The following CCDC110 variants were observed in gnomAD, a reference collection of about 807,000 sequenced individuals.
CCDC110 encodes coiled-coil domain-containing protein 110.
In CCDC110, 70 loss-of-function variants were observed where a neutral mutation model predicts 77.1. The ratio of observed to expected loss-of-function variants is 0.91; its 90% confidence interval spans 0.75 to 1.11. The LOEUF is 1.11. Among genes scored for constraint, CCDC110 ranks in the 50% least tolerant of loss-of-function variants. The pLI is 0.00. For synonymous variants in CCDC110, 295 were observed against 312.5 expected (o/e 0.94, Z 0.59); for missense variants, 868 against 942.9 (o/e 0.92, Z 1.04).
Position 185,459,928 on chromosome 4 carries a change from A to C in CCDC110, c.659T>G (p.Leu220Arg), listed in dbSNP as rs759699138. 2.5e-6 allele frequency: 4 copies of C among 1,613,818 alleles called. No homozygotes were observed. The highest frequency in any genetic ancestry group is 3.4e-6 in the Non-Finnish European group (4 of 1,179,920). ...AGGCACAGTAATTTTGGATTTATCCAGAATTACTGTATCAGCTTGAGACAT... is the reference window on the plus strand; with the variant it reads ...AGGCACAGTAATTTTGGATTTATCCCGAATTACTGTATCAGCTTGAGACAT... Reference protein sequence around the residue: ...NVMSQADTVILDKSKITVPFL... With the variant: ...NVMSQADTVIRDKSKITVPFL... Residue 220 changes from leucine to arginine, a missense_variant, in exon 6 of 7, where the codon CTG becomes CGG. Transcript: ENST00000307588.
chr4:185,470,430 A>T, intron 2 of CCDC110: 1 of 343,758 alleles, frequency 2.9e-6, no homozygotes, highest in East Asian at 7.5e-5. Context: ...ATTTGCATTT[A>T]AAAATTGTGG....
In CCDC110 at chr4:185,445,235, C is replaced by A; in HGVS notation, c.*267G>T. 1 of 1,028,788 alleles carries A rather than the reference C, an allele frequency of 9.7e-7. No homozygotes were observed. The highest frequency in any genetic ancestry group is 1.4e-6 in the Non-Finnish European group (1 of 716,786). The allele number at this position is 1,028,788 out of a possible 1,614,324, so 63.7% of individuals were successfully genotyped here. A position where few individuals can be genotyped will look rare whatever the true frequency, so the allele number is the denominator to read the frequency against. Reference sequence around the variant, plus strand: ...TATTTATATATACTTTTTTAAATGACAAATGTGGGTGACTTTAGACATCTC... The same window carrying A: ...TATTTATATATACTTTTTTAAATGAAAAATGTGGGTGACTTTAGACATCTC... On this transcript the variant is annotated 3_prime_UTR_variant, in exon 7 of 7. Transcript: ENST00000307588.
At chr4:185,457,821 GAAAA>G (rs751055245) in intron 6 of CCDC110, 1 of 1,185,578 alleles carries the variant, frequency 8.4e-7, no homozygotes, top group African/African-American at 1.6e-5. Context: ...AATTCCTAGG[GAAAA>G]AAAAAAGAAT....
chr4:185,449,769 A>G, intron 6 of CCDC110: 1 of 551,286 alleles, frequency 1.8e-6, no homozygotes, highest in Non-Finnish European at 3.2e-6. Context: ...AAATTCTGCA[A>G]CTCTAATTCT....
At position 185,462,977 on chromosome 4, in the gene CCDC110, A is replaced by G. The variant is rs765375568; in HGVS notation, c.171+17T>C. The G allele has an allele frequency of 6.2e-7, 1 of 1,602,570 alleles. No homozygotes were observed. Among genetic ancestry groups the G allele is most frequent in the Non-Finnish European group, 8.5e-7 (1 of 1,169,784 alleles). ...TACCCAGAATTTTGGAGATGATAAA[A>G]TGGAATATAGACTCACTTTCAATGC... On this transcript the variant is annotated intron_variant, in intron 3 of 6. Coordinates refer to ENST00000307588, the MANE Select transcript of CCDC110 (RefSeq NM_152775.4).
At chr4:185,452,342 ACTGT>A in intron 6 of CCDC110, 1 of 985,442 alleles carries the variant, frequency 1.0e-6, no homozygotes, top group Non-Finnish European at 1.2e-6. Flanking sequence ...TCTGCTACAA[ACTGT>A]CTGCTTACAT....
chr4:185,457,806 CT>C, intron 6 of CCDC110: 1 of 1,419,274 alleles, frequency 7.0e-7, no homozygotes, highest in Non-Finnish European at 9.3e-7. Context: ...ATACAGTTTA[CT>C]TGGAATTCCT....
chr4:185,459,112 G>A lies in CCDC110; in HGVS notation c.1475C>T (p.Ser492Phe), dbSNP rs2095641181. 7 of 1,592,112 alleles carry A rather than the reference G, an allele frequency of 4.4e-6. No homozygotes were observed. In the East Asian group the frequency reaches 1.6e-4, roughly 36 times the overall value. The change falls in exon 6 of 7, where the codon TCT (serine) becomes TTT (phenylalanine). Residue 492 changes from serine (S) to phenylalanine (F), a missense_variant. Physicochemically the swap from Ser to Phe is radical, Grantham distance 155 (BLOSUM62 -2). Coordinates refer to ENST00000307588, the MANE Select transcript of CCDC110 (RefSeq NM_152775.4). ...GTATTCTTCTGTTTTACTTAACTTA[G>A]ACTGAATAGTACTCTTTTCTTCAAC... ...NLVEEKSTIQSKLSKTEEYSK... is the reference protein window; with the variant it reads ...NLVEEKSTIQFKLSKTEEYSK...
chr4:185,466,165 G>A (rs1325794762), intron 2 of CCDC110, among the ~76,000 whole-genome samples: 1 of 152,158 alleles, frequency 6.6e-6, no homozygotes, highest in Non-Finnish European at 1.5e-5. Flanking sequence ...CACGAGGTCA[G>A]GAGATCGAGA....
At chr4:185,447,330 C>T (rs184388564) in intron 6 of CCDC110, among the ~76,000 whole-genome samples, 47 of 152,012 alleles carry the variant, frequency 3.1e-4, no homozygotes, top group African/African-American at 8.4e-4. Flanking sequence ...TACAGGCGCC[C>T]GCCACCACGC....
chr4:185,454,555 A>T (rs2095633547), intron 6 of CCDC110, among the ~76,000 whole-genome samples: 1 of 151,816 alleles, frequency 6.6e-6, no homozygotes, highest in South Asian at 2.1e-4. Context: ...CTCTACTAAA[A>T]ATACAGAAAT....
intron 2 of CCDC110, 25 bp downstream of exon 2, chr4:185,470,920 G>A (rs2095664954): frequency 6.7e-6 from 10 of 1,500,942 alleles, no homozygotes; most frequent in Admixed American, 1.7e-5. Flanking sequence ...AGTTAAAGGA[G>A]CCTTTTACGG....
chr4:185,449,866 G>A (rs778259265), intron 6 of CCDC110: 1 of 387,206 alleles, frequency 2.6e-6, no homozygotes, highest in African/African-American at 2.1e-5. Context: ...CTATGCTTCT[G>A]AGCAGAATAT....
chr4:185,462,100 A>G (rs764655092), intron 4 of CCDC110, among the ~76,000 whole-genome samples: 1 of 152,180 alleles, frequency 6.6e-6, no homozygotes, highest in African/African-American at 2.4e-5. Context: ...CTCCTTCTCA[A>G]AGCAAAGTGT....
Position 185,465,233 on chromosome 4 carries a change from G to T in CCDC110, c.116-2184C>A, listed in dbSNP as rs569097784. Reference sequence around the variant, plus strand: ...ATTCTATCTCCTTCCCATACCTACAGGAATAGCTTCCTTTTTCTGTACAGA... The same window carrying T: ...ATTCTATCTCCTTCCCATACCTACATGAATAGCTTCCTTTTTCTGTACAGA... On this transcript the variant is annotated intron_variant, in intron 2 of 6. Transcript: ENST00000307588. Among the ~76,000 whole-genome samples, 4 of 152,266 alleles carry T rather than the reference G, an allele frequency of 2.6e-5. No homozygotes were observed. The South Asian group carries it at 8.3e-4, about 32-fold the overall frequency.
intron 1 of CCDC110, among the ~76,000 whole-genome samples, chr4:185,471,255 T>C (rs868357173): frequency 0.33 from 10,712 of 32,896 alleles, 707 homozygotes; most frequent in African/African-American, 0.45. Context: ...GGGGGCGGGT[T>C]TGAAGGCTGG....
At chr4:185,467,304 C>A (rs2095658035) in intron 2 of CCDC110, among the ~76,000 whole-genome samples, 1 of 152,172 alleles carries the variant, frequency 6.6e-6, no homozygotes, top group African/African-American at 2.4e-5. Flanking sequence ...ACATAACTTT[C>A]TGTTTTTCTT....
In CCDC110 at chr4:185,458,245, T is replaced by C. The variant is rs2095639151; in HGVS notation, c.2342A>G (p.Gln781Arg). 1 of 1,602,498 alleles carries C rather than the reference T, an allele frequency of 6.2e-7. No homozygotes were observed. Among genetic ancestry groups the C allele is most frequent in the Non-Finnish European group, 8.5e-7 (1 of 1,177,230 alleles). Residue 781 changes from glutamine (Q) to arginine (R), a missense_variant, in exon 6 of 7, where the codon CAG becomes CGG. Transcript: ENST00000307588. The part of the protein sequence containing the change: ...YLSLSDKICN[Q>R]HNDPSKTTYI... ...AGTTGTTTTTGAAGGGTCATTATGC[T>C]GATTACAAATTTTATCACTTAAACT...
chr4:185,470,819 G>A, intron 2 of CCDC110, 126 bp downstream of exon 2: 1 of 768,820 alleles, frequency 1.3e-6, no homozygotes, highest in Non-Finnish European at 2.4e-6. Context: ...CAAAGCGCGA[G>A]TGCCGTGGTG....
Sources: allele counts gnomAD v4.1 joint callset (sites outside exome capture counted in the v4.1 genomes callset), GRCh38; gene constraint gnomAD v4.1.1; transcripts MANE v1.5; gene names NCBI Gene and HGNC (gene_info 2026-07-23, HGNC 2026-07-21).